PAAF1: variants seen among roughly 807,000 people sequenced by gnomAD.
PAAF1 encodes the protein proteasomal ATPase associated factor 1.
Under a neutral mutation model 52.8 loss-of-function variants are expected in PAAF1, and 46 were observed. That is an observed-to-expected ratio of 0.87 (90% confidence interval 0.69 to 1.11). The LOEUF (loss-of-function observed/expected upper bound fraction) is 1.11. PAAF1 is among the 50% of genes most tolerant of loss of function. PAAF1 has a pLI of 0.00. For missense variants in PAAF1, 424 were observed against 477.4 expected (o/e 0.89, Z 1.04); for synonymous variants, 178 against 172.8 (o/e 1.03, Z -0.24).
intron 7 of PAAF1, 56 bp from the exon 8 acceptor site, chr11:73,914,357 G>A (rs1011574668): frequency 6.2e-6 from 9 of 1,444,074 alleles, no homozygotes; most frequent in Non-Finnish European, 8.8e-6. Flanking sequence ...GGTGCTGTGT[G>A]GGCACTACCA....
rs115673017 is a variant in PAAF1 at position 73,884,731 on chromosome 11, C to A, written c.89-2623C>A. Among the ~76,000 whole-genome samples, 407 of 152,314 alleles carry A rather than the reference C, an allele frequency of 2.7e-3. 3 individuals are homozygous for A. The highest frequency in any genetic ancestry group is 8.5e-3 in the African/African-American group (353 of 41,570). On this transcript the variant is annotated intron_variant, in intron 2 of 11. Coordinates refer to ENST00000310571, the MANE Select transcript of PAAF1 (RefSeq NM_025155.3). ...GCGTCTTTACTAGGTCTTCTCTAGG[C>A]CAAACTTCTACCCTAGACTTTGAGT...
rs993260286 is a variant in PAAF1 at position 73,877,048 on chromosome 11, C to T, written c.27C>T (p.Ser9=). MAAPLRIQ[S]DWAQALRKDE... ...TGGCGGCGCCTTTGAGGATTCAGAG[C>T]GACTGGGCGCAAGCCCTCAGGTGAA... Residue 9 remains serine, a synonymous_variant, in exon 1 of 12, where the codon AGC becomes AGT. Transcript: ENST00000310571. 48 of 1,536,332 alleles carry T rather than the reference C, an allele frequency of 3.1e-5. No homozygotes were observed. The highest frequency in any genetic ancestry group is 4.0e-5 in the Non-Finnish European group (46 of 1,139,034).
At chr11:73,910,944 C>G (rs374453272) in intron 7 of PAAF1, among the ~76,000 whole-genome samples, 1 of 147,296 alleles carries the variant, frequency 6.8e-6, no homozygotes, top group Non-Finnish European at 1.5e-5. Context: ...GAGCTGAGAT[C>G]GCTCCATTGC....
intron 2 of PAAF1, chr11:73,879,973 C>T (rs1948847797): frequency 6.6e-6 from 1 of 151,766 alleles, no homozygotes; most frequent in Non-Finnish European, 1.5e-5. Context: ...GACGTGGGGG[C>T]TCATACCTGT....
chr11:73,903,147 T>C (rs1949669299), intron 6 of PAAF1, among the ~76,000 whole-genome samples: 1 of 152,230 alleles, frequency 6.6e-6, no homozygotes, highest in Non-Finnish European at 1.5e-5. Context: ...TTTAGTAGAT[T>C]GAACGGAATG....
In PAAF1 at chr11:73,891,296, T is replaced by C. The variant is rs1272265497; in HGVS notation, c.282+95T>C. The C allele has an allele frequency of 1.7e-5, 12 of 707,938 alleles. No homozygotes were observed. In the Admixed American group the frequency reaches 3.5e-4, roughly 21 times the overall value. The allele number at this position is 707,938 out of a possible 1,614,324, so 43.9% of individuals were successfully genotyped here. ...GTGCTATAAACATATTCATAATTAA[T>C]ATGTCTTTCATTTACTTTGCATTGT... On this transcript the variant is annotated intron_variant, in intron 4 of 11. Coordinates refer to ENST00000310571, the MANE Select transcript of PAAF1 (RefSeq NM_025155.3).
chr11:73,921,231 T>C (rs1246028749), intron 10 of PAAF1, among the ~76,000 whole-genome samples: 1 of 150,524 alleles, frequency 6.6e-6, no homozygotes, highest in Non-Finnish European at 1.5e-5. Flanking sequence ...ACCTGGGAGG[T>C]GGAGGTTGCA....
intron 6 of PAAF1, among the ~76,000 whole-genome samples, chr11:73,900,948 C>T (rs1386769859): frequency 1.6e-5 from 2 of 125,698 alleles, no homozygotes; most frequent in African/African-American, 3.0e-5. Flanking sequence ...CGCCACTGCA[C>T]TCCAACCTGG....
chr11:73,909,615 G>A (rs755416996), intron 7 of PAAF1, 22 bp downstream of exon 7: 1 of 1,606,392 alleles, frequency 6.2e-7, no homozygotes, highest in South Asian at 1.1e-5. Context: ...ATGATATGTA[G>A]CATTGTTTTA....
intron 2 of PAAF1, among the ~76,000 whole-genome samples, chr11:73,883,677 C>T (rs1002176629): frequency 1.3e-5 from 2 of 151,978 alleles, no homozygotes; most frequent in Non-Finnish European, 2.9e-5. Context: ...CCACCACACC[C>T]GGGTAATTTT....
At chr11:73,908,273 A>G (rs566014057) in intron 6 of PAAF1, among the ~76,000 whole-genome samples, 2 of 143,448 alleles carry the variant, frequency 1.4e-5, no homozygotes, top group Admixed American at 7.0e-5. Flanking sequence ...ATGTGTATAT[A>G]TGTGTATATA....
intron 9 of PAAF1, among the ~76,000 whole-genome samples, chr11:73,918,424 G>A (rs10793067): frequency 0.53 from 67,143 of 126,788 alleles, 18,085 homozygotes; most frequent in African/African-American, 0.73. Context: ...CTATTATAAA[G>A]TCACACTTAC....
chr11:73,917,288 G>A lies in PAAF1; in HGVS notation c.935+628G>A, dbSNP rs544838960. 2.0e-5 allele frequency among the ~76,000 whole-genome samples: 3 copies of A among 152,132 alleles called. No individual in the cohort carries two copies. The South Asian group carries it at 6.2e-4, about 32-fold the overall frequency. On this transcript the variant is annotated intron_variant, in intron 9 of 11. Transcript: ENST00000310571. ...CCCGCCTCAGCCTCCGAAAGTGCTG[G>A]GATTACAGGCATGAGCCACTGTACC...
chr11:73,908,321 A>G (rs934992298), intron 6 of PAAF1, among the ~76,000 whole-genome samples: 13 of 143,484 alleles, frequency 9.1e-5, no homozygotes, highest in Non-Finnish European at 2.0e-4. Flanking sequence ...ATATATGTGT[A>G]TATATGTATA....
chr11:73,898,661 T>C (rs111360384), intron 4 of PAAF1, among the ~76,000 whole-genome samples: 73 of 151,962 alleles, frequency 4.8e-4, no homozygotes, highest in Middle Eastern at 3.4e-3. Context: ...TACCGAAAAA[T>C]ACAGAAATAA....
At chr11:73,924,572 G>C in intron 10 of PAAF1, 43 bp from the exon 11 acceptor site, 2 of 1,479,850 alleles carry the variant, frequency 1.4e-6, no homozygotes, top group Non-Finnish European at 1.9e-6. Context: ...AACTCTGGAT[G>C]CAGTTTTCTC....
chr11:73,885,102 AC>A (rs1360790044), intron 2 of PAAF1, among the ~76,000 whole-genome samples: 1 of 149,058 alleles, frequency 6.7e-6, no homozygotes, highest in African/African-American at 2.5e-5. Flanking sequence ...CTCGTGATCC[AC>A]CCGCCTCGGC....
intron 9 of PAAF1, among the ~76,000 whole-genome samples, chr11:73,917,242 A>G (rs1950093417): frequency 1.3e-5 from 2 of 151,978 alleles, no homozygotes; most frequent in Non-Finnish European, 2.9e-5. Flanking sequence ...GCTGATCTCG[A>G]ATTCCTGACC....
At chr11:73,902,514 T>C (rs147479329) in intron 6 of PAAF1, among the ~76,000 whole-genome samples, 1 of 152,294 alleles carries the variant, frequency 6.6e-6, no homozygotes, top group African/African-American at 2.4e-5. Flanking sequence ...TGACTCAGCA[T>C]GTTGAACTTA....
Sources: allele counts gnomAD v4.1 joint callset (sites outside exome capture counted in the v4.1 genomes callset), GRCh38; gene constraint gnomAD v4.1.1; transcripts MANE v1.5; gene names NCBI Gene and HGNC (gene_info 2026-07-23, HGNC 2026-07-21).